Variants in ARFGEF1 observed in about 807,000 individuals in gnomAD.
The protein encoded by ARFGEF1 is ARF guanine nucleotide exchange factor 1.
In ARFGEF1, 42 loss-of-function variants were observed where a neutral mutation model predicts 231.0. The observed-to-expected ratio is 0.18, with a 90% confidence interval of 0.14 to 0.24. ARFGEF1 has a LOEUF of 0.24. ARFGEF1 is among the 10% of genes least tolerant of loss of function. The probability of loss-of-function intolerance (pLI) is 1.00; values close to 1 mark genes in which losing one functional copy is unlikely to be tolerated. For missense variants in ARFGEF1, 1,345 were observed against 2,192.0 expected, an observed-to-expected ratio of 0.61 and a Z score of 7.72; for synonymous variants, 710 against 732.3, an observed-to-expected ratio of 0.97 and a Z score of 0.49.
chr8:67,181,925 T>A (rs1198685613), intron 5 of ARFGEF1, among the ~76,000 whole-genome samples: 1 of 152,214 alleles, frequency 6.6e-6, no homozygotes, highest in African/African-American at 2.4e-5. Flanking sequence ...TCATACAGTA[T>A]CTATCCTTTG....
At chr8:67,205,270 G>A (rs1838472161) in intron 34 of ARFGEF1, among the ~76,000 whole-genome samples, 1 of 152,174 alleles carries the variant, frequency 6.6e-6, no homozygotes, top group Admixed American at 6.5e-5. Context: ...CTGCCTCCTG[G>A]AAAGCTTCCT....
chr8:67,201,413 G>A, intron 37 of ARFGEF1, 54 bp downstream of exon 37: 1 of 1,566,186 alleles, frequency 6.4e-7, no homozygotes, highest in Non-Finnish European at 8.6e-7. Flanking sequence ...CCTCTTTCCT[G>A]CCCGGCACCA....
chr8:67,259,272 G>A (rs992748623), intron 15 of ARFGEF1, among the ~76,000 whole-genome samples: 6 of 152,122 alleles, frequency 3.9e-5, no homozygotes, highest in Admixed American at 3.9e-4. Context: ...TGTAGCCCAC[G>A]CTGGAGTGCA....
At chr8:67,212,806 T>C (rs952804814) in intron 33 of ARFGEF1, among the ~76,000 whole-genome samples, 4 of 152,244 alleles carry the variant, frequency 2.6e-5, no homozygotes, top group African/African-American at 9.6e-5. Context: ...TAAAAATGTA[T>C]TATCTTACTG....
chr8:67,195,388 A>AGAGT, downstream of ARFGEF1: 1 of 1,613,170 alleles, frequency 6.2e-7, no homozygotes, highest in Non-Finnish European at 8.5e-7. Flanking sequence ...GTAGATGATG[A>AGAGT]GAGTTCACTG....
intron 7 of ARFGEF1, among the ~76,000 whole-genome samples, chr8:67,281,161 G>A (rs981985388): frequency 2.0e-5 from 3 of 152,126 alleles, no homozygotes; most frequent in South Asian, 2.1e-4. Flanking sequence ...TAACATTCTC[G>A]TTGAATGTAA....
chr8:67,342,037 G>A (rs532106910), intron 1 of ARFGEF1, among the ~76,000 whole-genome samples: 3 of 152,076 alleles, frequency 2.0e-5, no homozygotes, highest in Non-Finnish European at 2.9e-5. Context: ...ATTTTAAGTT[G>A]TCTAGACTCC....
At chr8:67,244,266 A>AAAAAAAAAAAC (rs1563860748) in intron 19 of ARFGEF1, among the ~76,000 whole-genome samples, 2 of 17,208 alleles carry the variant, frequency 1.2e-4, no homozygotes, top group African/African-American at 5.9e-4. Context: ...AAAAAAAAAA[A>AAAAAAAAAAAC]AACATTCGAC....
In ARFGEF1 at chr8:67,301,298, A is replaced by G. The variant is rs1806477935; in HGVS notation, c.238T>C (p.Tyr80His). The change falls in exon 3 of 39, where the codon TAC becomes CAC. Residue 80 changes from tyrosine to histidine, a missense_variant. Around this residue, in one of 14 missense-constraint regions of ARFGEF1, gnomAD observed 398 missense variants for 463.2 expected, o/e 0.86. Coordinates refer to ENST00000262215, the MANE Select transcript of ARFGEF1 (RefSeq NM_006421.5). ...CATGCCAACTCAAAAGGCAAGAAGT[A>G]CTTGTCTGCTTCAATAAAATTTGTC... ...SKTNFIEADK[Y>H]FLPFELACQS... 6.2e-7 allele frequency: 1 copy of G among 1,614,168 alleles called. No homozygotes were observed. Among genetic ancestry groups the G allele is most frequent in the East Asian group, 2.2e-5 (1 of 44,876 alleles).
intron 6 of ARFGEF1, among the ~76,000 whole-genome samples, chr8:67,289,669 G>C (rs1805923906): frequency 6.7e-6 from 1 of 149,860 alleles, no homozygotes; most frequent in South Asian, 2.1e-4. Context: ...TTTACTGTCT[G>C]TAGTATCCCA....
At chr8:67,327,148 GATTTT>G (rs1390717616) in intron 1 of ARFGEF1, among the ~76,000 whole-genome samples, 2 of 152,030 alleles carry the variant, frequency 1.3e-5, no homozygotes, top group East Asian at 1.9e-4. Context: ...CTTCTTCCTT[GATTTT>G]ATTTTTCTAC....
intron 30 of ARFGEF1, 69 bp from the exon 31 acceptor site, chr8:67,218,207 A>AAAAAAATATATATATATATATAT (rs1491555936): frequency 4.4e-5 from 4 of 90,832 alleles, no homozygotes; most frequent in Admixed American, 1.4e-4. Context: ...AAAAAAAAAA[A>AAAAAAATATATATATATATATAT]ATATATATAT....
At chr8:67,326,619 T>G (rs1342494672) in intron 1 of ARFGEF1, among the ~76,000 whole-genome samples, 1 of 152,236 alleles carries the variant, frequency 6.6e-6, no homozygotes, top group African/African-American at 2.4e-5. Flanking sequence ...TCTTATATAA[T>G]ACTTAAGATT....
intron 33 of ARFGEF1, among the ~76,000 whole-genome samples, chr8:67,213,553 T>C (rs1024633632): frequency 6.6e-6 from 1 of 152,194 alleles, no homozygotes; most frequent in Non-Finnish European, 1.5e-5. Flanking sequence ...TAGGACACAA[T>C]ACCAATATCC....
At chr8:67,329,464 G>C (rs1158429629) in intron 1 of ARFGEF1, among the ~76,000 whole-genome samples, 1 of 151,662 alleles carries the variant, frequency 6.6e-6, no homozygotes, top group African/African-American at 2.4e-5. Context: ...AGGAGGCGGA[G>C]CTTGCAGTGA....
chr8:67,287,325 A>AGAC (rs144651043), intron 7 of ARFGEF1, among the ~76,000 whole-genome samples: 2,471 of 152,348 alleles, frequency 0.016, 71 homozygotes, highest in African/African-American at 0.057. Context: ...CTTCCCTGGT[A>AGAC]AACACTTCAC....
intron 22 of ARFGEF1, 53 bp from the exon 23 acceptor site, chr8:67,232,998 A>C: frequency 7.1e-7 from 1 of 1,402,604 alleles, no homozygotes; most frequent in Admixed American, 1.8e-5. Flanking sequence ...CAGTAGAAGA[A>C]TACACTTAAC....
At chr8:67,200,022 C>A in intron 38 of ARFGEF1, 1 of 339,184 alleles carries the variant, frequency 2.9e-6, no homozygotes, top group South Asian at 2.4e-5. Flanking sequence ...GGCCCAGGAA[C>A]CAGATGTAGT....
intron 3 of ARFGEF1, among the ~76,000 whole-genome samples, chr8:67,299,874 G>A (rs775978578): frequency 2.8e-4 from 42 of 152,114 alleles, no homozygotes; most frequent in Non-Finnish European, 5.1e-4. Context: ...AGGCTGAGGT[G>A]AGAGGACTGC....
Sources: allele counts gnomAD v4.1 joint callset (sites outside exome capture counted in the v4.1 genomes callset), GRCh38; gene constraint gnomAD v4.1.1; regional missense constraint gnomAD v4.1.1; transcripts MANE v1.5; gene names NCBI Gene and HGNC (gene_info 2026-07-23, HGNC 2026-07-21).